GRIA2: variants seen among roughly 807,000 people sequenced by gnomAD.
The protein encoded by GRIA2 is glutamate ionotropic receptor AMPA type subunit 2.
Under a neutral mutation model 97.3 loss-of-function variants are expected in GRIA2, and 14 were observed. The ratio of observed to expected loss-of-function variants is 0.14; its 90% CI spans 0.10 to 0.23. The LOEUF (loss-of-function observed/expected upper bound fraction) is 0.23. GRIA2 is among the 10% of genes least tolerant of loss of function. The pLI is 1.00. For synonymous variants in GRIA2, 412 were observed against 387.8 expected (o/e 1.06, Z -0.73); for missense variants, 558 against 1,069.8 (o/e 0.52, Z 6.67).
chr4:157,335,920 T>G, intron 10 of GRIA2, 43 bp downstream of exon 10: 1 of 1,295,410 alleles, frequency 7.7e-7, no homozygotes, highest in Non-Finnish European at 1.1e-6. Context: ...TCAATTTGAA[T>G]TGTTGTTGAC....
intron 2 of GRIA2, among the ~76,000 whole-genome samples, chr4:157,267,298 C>A (rs541448329): frequency 6.1e-4 from 92 of 150,454 alleles, no homozygotes; most frequent in Middle Eastern, 6.8e-3. Context: ...GTGGTGCATG[C>A]CTGTAGTCCC....
At chr4:157,284,304 G>T (rs1579331147) in intron 2 of GRIA2, among the ~76,000 whole-genome samples, 1 of 151,778 alleles carries the variant, frequency 6.6e-6, no homozygotes, top group East Asian at 1.9e-4. Flanking sequence ...TTAGGACACT[G>T]CAAGTGGCAT....
intron 3 of GRIA2, among the ~76,000 whole-genome samples, chr4:157,312,187 A>G (rs569961139): frequency 3.9e-5 from 6 of 152,234 alleles, no homozygotes; most frequent in African/African-American, 1.4e-4. Flanking sequence ...TAGCAGCCTC[A>G]TAAAGAATAT....
At chr4:157,297,669 C>A (rs2126851710) in intron 2 of GRIA2, among the ~76,000 whole-genome samples, 1 of 152,150 alleles carries the variant, frequency 6.6e-6, no homozygotes, top group Non-Finnish European at 1.5e-5. Flanking sequence ...GAGGTCAGAG[C>A]CGCCCAAGAT....
rs1736564569 is a variant in GRIA2 at position 157,359,986 on chromosome 4, G to T, written c.2134G>T (p.Ala712Ser). Residue 712 changes from alanine to serine, a missense_variant, in exon 13 of 16, where the codon GCT becomes TCT. Physicochemically the swap from Ala to Ser is moderately conservative, Grantham distance 99 (BLOSUM62 1). Around this residue, in one of 8 missense-constraint regions of GRIA2, gnomAD observed 125 missense variants for 310.2 expected, o/e 0.40. Coordinates refer to ENST00000264426, the MANE Select transcript of GRIA2 (RefSeq NM_001083619.3). Reference sequence around the variant, plus strand: ...TGTGAGGACTACGGCCGAAGGGGTGGCTAGAGTGCGGAAGTCCAAAGGGAA... The same window carrying T: ...TGTGAGGACTACGGCCGAAGGGGTGTCTAGAGTGCGGAAGTCCAAAGGGAA... ...VFVRTTAEGV[A>S]RVRKSKGKYA... 6.2e-7 allele frequency: 1 copy of T among 1,613,788 alleles called. No individual in the cohort carries two copies. The highest frequency in any genetic ancestry group is 1.3e-5 in the African/African-American group (1 of 74,864).
chr4:157,319,981 A>G (rs1384263101), intron 5 of GRIA2, among the ~76,000 whole-genome samples: 2 of 152,144 alleles, frequency 1.3e-5, no homozygotes, highest in Admixed American at 6.5e-5. Flanking sequence ...GAATTCCAGC[A>G]TTAAGAAAGG....
intron 2 of GRIA2, among the ~76,000 whole-genome samples, chr4:157,276,681 T>C (rs1353580054): frequency 6.6e-6 from 1 of 151,614 alleles, no homozygotes. Flanking sequence ...TACAAAATGC[T>C]AATATAAAAA....
At position 157,333,006 on chromosome 4, in the gene GRIA2, C is replaced by A. The variant is rs775036710; in HGVS notation, c.1050+20C>A. 6.4e-7 allele frequency: 1 copy of A among 1,565,430 alleles called. No homozygotes were observed. Among genetic ancestry groups the A allele is most frequent in the Non-Finnish European group, 8.7e-7 (1 of 1,152,214 alleles). On this transcript the variant is annotated intron_variant, in intron 7 of 15. Coordinates refer to ENST00000264426, the MANE Select transcript of GRIA2 (RefSeq NM_001083619.3). ...AAACAGGTCAGTTACTCAAAATAAT[C>A]GTTAACGTGACTTAATATGGCCATT... is the stretch of plus-strand genomic sequence containing the variant.
chr4:157,249,265 C>A (rs1288370087), intron 2 of GRIA2, among the ~76,000 whole-genome samples: 2 of 152,138 alleles, frequency 1.3e-5, no homozygotes, highest in Non-Finnish European at 2.9e-5. Context: ...CTGTGTACTT[C>A]ATAATTTGAA....
intron 2 of GRIA2, among the ~76,000 whole-genome samples, chr4:157,289,224 A>C (rs1732981552): frequency 2.6e-5 from 4 of 151,934 alleles, no homozygotes; most frequent in Admixed American, 2.6e-4. Context: ...TATGTCCCTT[A>C]AAATTTTCCA....
At chr4:157,337,996 G>T (rs564297497) in intron 11 of GRIA2, among the ~76,000 whole-genome samples, 1 of 126,084 alleles carries the variant, frequency 7.9e-6, no homozygotes, top group African/African-American at 3.1e-5. Flanking sequence ...ACATATGTGT[G>T]TATATATATG....
chr4:157,328,225 C>A (rs917315059), intron 6 of GRIA2, among the ~76,000 whole-genome samples: 8 of 151,948 alleles, frequency 5.3e-5, no homozygotes, highest in African/African-American at 1.9e-4. Flanking sequence ...TTTCATATTT[C>A]TTTATCTGTA....
At chr4:157,329,923 T>TG (rs958343441) in intron 6 of GRIA2, among the ~76,000 whole-genome samples, 1 of 151,904 alleles carries the variant, frequency 6.6e-6, no homozygotes, top group African/African-American at 2.4e-5. Flanking sequence ...CACAGAGATC[T>TG]GGATTCAAAT....
At chr4:157,308,038 T>G (rs1733917402) in intron 3 of GRIA2, among the ~76,000 whole-genome samples, 1 of 152,266 alleles carries the variant, frequency 6.6e-6, no homozygotes, top group Non-Finnish European at 1.5e-5. Context: ...GAAAATATTT[T>G]TAAGCAGTAA....
chr4:157,248,823 A>G, intron 2 of GRIA2, among the ~76,000 whole-genome samples: 1 of 138,536 alleles, frequency 7.2e-6, no homozygotes, highest in Non-Finnish European at 1.5e-5. Flanking sequence ...TAAATAAAAT[A>G]ATTCTTTTTT....
intron 2 of GRIA2, among the ~76,000 whole-genome samples, chr4:157,239,966 C>A (rs1478086666): frequency 6.6e-6 from 1 of 151,976 alleles, no homozygotes; most frequent in Non-Finnish European, 1.5e-5. Context: ...CTTCCTTGTG[C>A]AAACTAGATT....
intron 6 of GRIA2, among the ~76,000 whole-genome samples, chr4:157,324,746 G>A (rs911617177): frequency 6.6e-6 from 1 of 152,160 alleles, no homozygotes; most frequent in African/African-American, 2.4e-5. Flanking sequence ...AACAGATGTG[G>A]AAGGTAGTAA....
intron 2 of GRIA2, among the ~76,000 whole-genome samples, chr4:157,254,532 C>T (rs937711324): frequency 1.3e-5 from 2 of 151,960 alleles, no homozygotes; most frequent in African/African-American, 4.8e-5. Flanking sequence ...AGGCAAACAA[C>T]TCAATATGAA....
chr4:157,231,134 G>A (rs553569688), intron 2 of GRIA2, among the ~76,000 whole-genome samples: 2 of 152,200 alleles, frequency 1.3e-5, no homozygotes, highest in South Asian at 2.1e-4. Context: ...CCGCCTCTGG[G>A]TTCAAGCAGT....
Sources: allele counts gnomAD v4.1 joint callset (sites outside exome capture counted in the v4.1 genomes callset), GRCh38; gene constraint gnomAD v4.1.1; regional missense constraint gnomAD v4.1.1; transcripts MANE v1.5; gene names NCBI Gene and HGNC (gene_info 2026-07-23, HGNC 2026-07-21).